Variants in BAZ1B observed in about 807,000 individuals in gnomAD.
BAZ1B encodes tyrosine-protein kinase BAZ1B.
Under a neutral mutation model 153.8 loss-of-function variants are expected in BAZ1B, and 22 were observed. The observed-to-expected ratio is 0.14, with a 90% CI of 0.10 to 0.20. The LOEUF (loss-of-function observed/expected upper bound fraction) is 0.20. Among genes scored for constraint, BAZ1B ranks in the 10% least tolerant of loss-of-function variants. BAZ1B has a pLI of 1.00. For missense variants in BAZ1B, 1,325 were observed against 1,799.3 expected, an observed-to-expected ratio of 0.74 and a Z score of 4.77; for synonymous variants, 676 against 633.4, an observed-to-expected ratio of 1.07 and a Z score of -1.01.
At chr7:73,451,395 G>A (rs184504225) in intron 13 of BAZ1B, among the ~76,000 whole-genome samples, 8 of 152,158 alleles carry the variant, frequency 5.3e-5, no homozygotes, top group Non-Finnish European at 1.0e-4. Context: ...TGCCCTGCCC[G>A]AAGCAAAGAA....
intron 13 of BAZ1B, among the ~76,000 whole-genome samples, chr7:73,457,533 C>T (rs782045075): frequency 2.5e-4 from 38 of 152,212 alleles, no homozygotes; most frequent in Non-Finnish European, 3.8e-4. Context: ...AGCCAAAAGA[C>T]GGAAGCAACC....
rs974713869 is a variant in BAZ1B at position 73,453,049 on chromosome 7, A to C, written c.3433-2055T>G. Among the ~76,000 whole-genome samples the C allele has an allele frequency of 9.8e-5, 15 of 152,372 alleles. 1 individual carries two copies. Among genetic ancestry groups the C allele is most frequent in the African/African-American group, 3.6e-4 (15 of 41,590 alleles). On this transcript the variant is annotated intron_variant, in intron 13 of 19. Transcript: ENST00000339594. The stretch of plus-strand genomic sequence containing the variant: ...ATTTGAGAGACAATCCATTTTTATA[A>C]ATAAGGAAGCTGAATCCTAGATTAG...
At chr7:73,485,964 A>C (rs573096362) in intron 6 of BAZ1B, among the ~76,000 whole-genome samples, 23 of 152,316 alleles carry the variant, frequency 1.5e-4, no homozygotes, top group Non-Finnish European at 2.8e-4. Flanking sequence ...TTCATCTTAG[A>C]TGACAGTTAT....
chr7:73,465,351 T>C, intron 11 of BAZ1B, 88 bp downstream of exon 11: 1 of 880,890 alleles, frequency 1.1e-6, no homozygotes, highest in Non-Finnish European at 1.7e-6. Flanking sequence ...CTTTAGTAAC[T>C]TAAATGGATA....
intron 6 of BAZ1B, among the ~76,000 whole-genome samples, chr7:73,484,271 G>A (rs1204054466): frequency 2.0e-5 from 3 of 151,628 alleles, no homozygotes; most frequent in Admixed American, 6.6e-5. Context: ...TCAAAGGAAG[G>A]AAGGGAGGGA....
chr7:73,446,546 CAAAAAA>C (rs1175189600), intron 16 of BAZ1B, among the ~76,000 whole-genome samples: 2 of 41,536 alleles, frequency 4.8e-5, no homozygotes, highest in South Asian at 8.0e-4. Context: ...GAGACCATCT[CAAAAAA>C]AAAAAAAAAA....
chr7:73,516,064 T>C (rs1790786389), intron 1 of BAZ1B, among the ~76,000 whole-genome samples: 1 of 152,146 alleles, frequency 6.6e-6, no homozygotes, highest in African/African-American at 2.4e-5. Context: ...GGAGAATCAC[T>C]TGAACCCAGG....
intron 13 of BAZ1B, among the ~76,000 whole-genome samples, chr7:73,452,858 C>T (rs1405459923): frequency 2.6e-5 from 4 of 152,130 alleles, no homozygotes; most frequent in Non-Finnish European, 5.9e-5. Flanking sequence ...TAGCCCCATC[C>T]TAAATTCAGG....
chr7:73,520,032 A>AC (rs1352434804), intron 1 of BAZ1B, among the ~76,000 whole-genome samples: 2 of 151,832 alleles, frequency 1.3e-5, no homozygotes, highest in Non-Finnish European at 2.9e-5. Flanking sequence ...ACATGGTAAA[A>AC]CCCCATCTCT....
intron 1 of BAZ1B, among the ~76,000 whole-genome samples, chr7:73,520,595 C>A (rs1404194052): frequency 6.6e-6 from 1 of 152,154 alleles, no homozygotes; most frequent in Non-Finnish European, 1.5e-5. Flanking sequence ...TGCTACAGCT[C>A]TATTTCTCCA....
intron 12 of BAZ1B, among the ~76,000 whole-genome samples, chr7:73,461,444 G>T (rs1400759248): frequency 6.6e-6 from 1 of 152,138 alleles, no homozygotes; most frequent in Non-Finnish European, 1.5e-5. Flanking sequence ...ACGTCAGCAA[G>T]ATATAGGCCT....
Position 73,477,860 on chromosome 7 carries a change from C to T in BAZ1B, c.1601G>A (p.Arg534Lys), listed in dbSNP as rs1563380900. Residue 534 changes from arginine to lysine, a missense_variant, in exon 7 of 20, where the codon AGG becomes AAG. By Grantham distance (26) the Arg-to-Lys change is conservative (BLOSUM62 2). Around this residue, in one of 9 missense-constraint regions of BAZ1B, gnomAD observed 154 missense variants for 266.3 expected, o/e 0.58. Coordinates refer to ENST00000339594, the MANE Select transcript of BAZ1B (RefSeq NM_032408.4). The surrounding 1 kb of genome is among the most constrained non-coding windows in gnomAD (Gnocchi z 5.6). ...KRYELLEHKK[R>K]WASMSEEQRK... ...TTGTTCTTCAGACATAGAAGCCCAC[C>T]TCTTTTTGTGCTCTAGAAGTTCATA... 1.9e-6 allele frequency: 3 copies of T among 1,613,914 alleles called. No homozygotes were observed. The highest frequency in any genetic ancestry group is 2.5e-6 in the Non-Finnish European group (3 of 1,179,982).
intron 1 of BAZ1B, among the ~76,000 whole-genome samples, chr7:73,515,454 T>TTAA (rs1790758472): frequency 6.6e-6 from 1 of 151,934 alleles, no homozygotes; most frequent in Non-Finnish European, 1.5e-5. Flanking sequence ...TGATGTCTTC[T>TTAA]AGCTCTTTCT....
rs782263622 is a variant in BAZ1B, at chr7:73,463,018, A to G, written c.3153T>C (p.Leu1051=). Residue 1051 remains leucine (L), a synonymous_variant, in exon 12 of 20, where the codon CTT becomes CTC. Transcript: ENST00000339594. ...TGAGATCACTACGAAGGAAGTTTAA[A>G]AGCTCCTGGTTGCCATCACAAGATT... ...GLKSCDGNQE[L]LNFLRSDLIE... 3.7e-6 allele frequency: 6 copies of G among 1,614,074 alleles called. No individual in the cohort carries two copies. Among genetic ancestry groups the G allele is most frequent in the Non-Finnish European group, 5.1e-6 (6 of 1,179,964 alleles).
chr7:73,467,559 G>A (rs181055903), intron 9 of BAZ1B, among the ~76,000 whole-genome samples: 22 of 151,974 alleles, frequency 1.4e-4, no homozygotes, highest in East Asian at 9.7e-4. Flanking sequence ...TTGTAGAGAC[G>A]GGGTTTCGCC....
At chr7:73,449,346 T>C (rs1023662365) in intron 15 of BAZ1B, among the ~76,000 whole-genome samples, 196 bp downstream of exon 15, 1 of 152,158 alleles carries the variant, frequency 6.6e-6, no homozygotes, top group Non-Finnish European at 1.5e-5. Flanking sequence ...CAGTGAAAAC[T>C]AGAAATGTCA....
chr7:73,508,186 T>C (rs542771327), intron 3 of BAZ1B, 141 bp downstream of exon 3: 3 of 904,764 alleles, frequency 3.3e-6, no homozygotes, highest in South Asian at 6.8e-5. Context: ...CACACAAGTA[T>C]TAACGTAAAG....
rs182673668 is a variant in BAZ1B at position 73,451,018 on chromosome 7, A to G, written c.3433-24T>C. On this transcript the variant is annotated intron_variant, in intron 13 of 19. Coordinates refer to ENST00000339594, the MANE Select transcript of BAZ1B (RefSeq NM_032408.4). ...ACCTAAACAGAGACCAAACCAGGCC[A>G]GCATTACTACACTGACCAAAGACAC... The G allele has an allele frequency of 1.7e-5, 27 of 1,613,286 alleles. No homozygotes were observed. In the East Asian group the frequency reaches 5.4e-4, roughly 32 times the overall value.
chr7:73,478,943 T>C (rs1397934342), intron 6 of BAZ1B, among the ~76,000 whole-genome samples: 6 of 152,214 alleles, frequency 3.9e-5, no homozygotes, highest in Non-Finnish European at 8.8e-5. Context: ...TAAGGATATC[T>C]GATCTACAAA....
Sources: allele counts gnomAD v4.1 joint callset (sites outside exome capture counted in the v4.1 genomes callset), GRCh38; gene constraint gnomAD v4.1.1; regional missense constraint gnomAD v4.1.1; non-coding constraint Gnocchi (gnomAD v3.1); transcripts MANE v1.5; gene names NCBI Gene and HGNC (gene_info 2026-07-23, HGNC 2026-07-21).